The following LINGO2 variants were observed in gnomAD, a reference collection of about 807,000 sequenced individuals.
The protein encoded by LINGO2 is leucine-rich repeat and immunoglobulin-like domain-containing nogo receptor-interacting protein 2.
Under a neutral mutation model 30.6 loss-of-function variants are expected in LINGO2, and 14 were observed. That is an observed-to-expected ratio of 0.46 (90% CI 0.30 to 0.72). The LOEUF is 0.72. Ranked by LOEUF, LINGO2 falls within the 30% of genes least tolerant of loss-of-function variation. The pLI is 0.07. For synonymous variants in LINGO2, 317 were observed against 288.5 expected, an observed-to-expected ratio of 1.10 and a Z score of -1.00; for missense variants, 729 against 751.7, an observed-to-expected ratio of 0.97 and a Z score of 0.35.
chr9:28,930,050 A>G, the LINGO2 span, among the ~76,000 whole-genome samples: 1 of 152,186 alleles, frequency 6.6e-6, no homozygotes, highest in Admixed American at 6.6e-5. This position sits in a 1 kb window ranked among gnomAD's most constrained non-coding sequence, Gnocchi z 4.2. Context: ...ACTTCTTTGC[A>G]TCAACTTCGA....
intron 3 of LINGO2, among the ~76,000 whole-genome samples, chr9:28,320,928 T>C (rs538818350): frequency 5.3e-5 from 8 of 152,274 alleles, no homozygotes; most frequent in Admixed American, 5.2e-4. Flanking sequence ...AGCACAGAAG[T>C]ATAGTATGGT....
chr9:28,990,021 G>C, the LINGO2 span, among the ~76,000 whole-genome samples: 1 of 152,202 alleles, frequency 6.6e-6, no homozygotes, highest in Non-Finnish European at 1.5e-5. Context: ...CATCTCACTA[G>C]GGAGCACCAG....
the LINGO2 span, among the ~76,000 whole-genome samples, chr9:28,933,459 AT>A: frequency 4.6e-5 from 7 of 151,870 alleles, no homozygotes; most frequent in East Asian, 3.9e-4. Context: ...GATGTTAACA[AT>A]TTTTTTTTCC....
rs115174931 is a variant in LINGO2, at chr9:28,347,963, G to C, written c.-246+24873C>G. Among the ~76,000 whole-genome samples, 1,327 of 152,250 alleles carry C rather than the reference G, an allele frequency of 8.7e-3. 27 individuals carry two copies. Among genetic ancestry groups the C allele is most frequent in the African/African-American group, 0.03 (1,256 of 41,546 alleles). ...ATTTATAGAAATATCCCATTAAAAAGATTTGGATGTAAAGAATGTCACTTA... is the reference window on the plus strand; with the variant it reads ...ATTTATAGAAATATCCCATTAAAAACATTTGGATGTAAAGAATGTCACTTA... On this transcript the variant is annotated intron_variant, in intron 3 of 5. Coordinates refer to ENST00000379992, the Ensembl canonical transcript of LINGO2.
chr9:28,518,141 G>A (rs7023697), intron 1 of LINGO2, among the ~76,000 whole-genome samples: 147,312 of 152,122 alleles, frequency 0.97, 71,498 homozygotes, highest in East Asian at 1. Context: ...ACAACTTGGA[G>A]AGGACTCAGA....
At chr9:29,184,370 G>C in the LINGO2 span, among the ~76,000 whole-genome samples, 1 of 151,584 alleles carries the variant, frequency 6.6e-6, no homozygotes, top group African/African-American at 2.4e-5. Flanking sequence ...TCAACATCAT[G>C]CTATATGTTT....
chr9:29,142,357 C>CA, the LINGO2 span, among the ~76,000 whole-genome samples: 2 of 151,544 alleles, frequency 1.3e-5, no homozygotes, highest in South Asian at 2.1e-4. Context: ...TGAGACAAAA[C>CA]AAAAACAAAG....
At chr9:28,164,867 C>T (rs1482558840) in intron 4 of LINGO2, among the ~76,000 whole-genome samples, 1 of 152,146 alleles carries the variant, frequency 6.6e-6, no homozygotes, top group African/African-American at 2.4e-5. Context: ...CTTCCTATGT[C>T]TTACTTTGCA....
chr9:29,108,246 A>G, the LINGO2 span, among the ~76,000 whole-genome samples: 21 of 152,194 alleles, frequency 1.4e-4, no homozygotes, highest in African/African-American at 4.6e-4. Flanking sequence ...AACAAGAGAT[A>G]CATCTCAGAT....
the LINGO2 span, among the ~76,000 whole-genome samples, chr9:28,958,166 T>G: frequency 6.6e-6 from 1 of 152,158 alleles, no homozygotes; most frequent in Non-Finnish European, 1.5e-5. Flanking sequence ...TCATAGACTA[T>G]CTGAATATTC....
intron 5 of LINGO2, among the ~76,000 whole-genome samples, chr9:28,010,059 A>C (rs964863344): frequency 2.0e-5 from 3 of 152,220 alleles, no homozygotes; most frequent in Admixed American, 6.5e-5. Context: ...GGAATGAAGT[A>C]CTGATTAACA....
the LINGO2 span, among the ~76,000 whole-genome samples, chr9:29,118,825 C>T: frequency 5.3e-5 from 8 of 152,262 alleles, no homozygotes; most frequent in African/African-American, 1.4e-4. Context: ...TCCGGGCCCA[C>T]GCTATCCAGA....
chr9:27,992,225 A>G (rs911398579), intron 5 of LINGO2, among the ~76,000 whole-genome samples: 1 of 152,058 alleles, frequency 6.6e-6, no homozygotes, highest in Non-Finnish European at 1.5e-5. Context: ...TTGACTTTAT[A>G]TATGTGTGCT....
At chr9:28,238,362 T>A (rs1260643483) in intron 4 of LINGO2, among the ~76,000 whole-genome samples, 2 of 152,280 alleles carry the variant, frequency 1.3e-5, no homozygotes, top group Middle Eastern at 3.4e-3. Flanking sequence ...CCTCACCACA[T>A]AGATCATTCT....
At chr9:28,279,635 T>A (rs1425780121) in intron 4 of LINGO2, among the ~76,000 whole-genome samples, 1 of 152,174 alleles carries the variant, frequency 6.6e-6, no homozygotes, top group Non-Finnish European at 1.5e-5. Flanking sequence ...TAAACTACAG[T>A]ATAGTATAAA....
chr9:28,381,903 T>C (rs549722518), intron 2 of LINGO2, among the ~76,000 whole-genome samples: 1 of 152,232 alleles, frequency 6.6e-6, no homozygotes, highest in South Asian at 2.1e-4. Context: ...TCTTCAGTTT[T>C]TTTCTTTTTC....
At chr9:28,057,592 CATATATATACACATATAT>C (rs1563949734) in intron 4 of LINGO2, among the ~76,000 whole-genome samples, 5 of 145,598 alleles carry the variant, frequency 3.4e-5, no homozygotes, top group Non-Finnish European at 6.0e-5. Flanking sequence ...TATGTATATA[CATATATATACACATATAT>C]GTATATACAT....
At chr9:28,266,784 C>T (rs1011049212) in intron 4 of LINGO2, among the ~76,000 whole-genome samples, 3 of 151,972 alleles carry the variant, frequency 2.0e-5, no homozygotes, top group East Asian at 1.9e-4. Flanking sequence ...TTACTGCTGG[C>T]GAATCTTCTC....
chr9:28,524,651 G>T (rs1409375538), intron 1 of LINGO2, among the ~76,000 whole-genome samples: 1 of 152,146 alleles, frequency 6.6e-6, no homozygotes, highest in African/African-American at 2.4e-5. Context: ...TACTCGGGAG[G>T]CTAAGGCAGG....
Sources: allele counts gnomAD v4.1 joint callset (sites outside exome capture counted in the v4.1 genomes callset), GRCh38; gene constraint gnomAD v4.1.1; non-coding constraint Gnocchi (gnomAD v3.1); transcripts MANE v1.5; gene names NCBI Gene and HGNC (gene_info 2026-07-23, HGNC 2026-07-21).